Variants in DGKI observed in about 807,000 individuals in gnomAD.
The protein encoded by DGKI is diacylglycerol kinase iota, also known as DAG kinase iota.
In DGKI, 55 loss-of-function variants were observed where a neutral mutation model predicts 147.5. That is an observed-to-expected ratio of 0.37 (90% confidence interval 0.30 to 0.47). The LOEUF is 0.47. Among genes scored for constraint, DGKI ranks in the 20% least tolerant of loss-of-function variants. The probability of loss-of-function intolerance (pLI) is 1.00; values close to 1 mark genes in which losing one functional copy is unlikely to be tolerated. For missense variants in DGKI, 1,007 were observed against 1,323.8 expected, an observed-to-expected ratio of 0.76 and a Z score of 3.71; for synonymous variants, 469 against 477.1, an observed-to-expected ratio of 0.98 and a Z score of 0.22.
Position 137,718,959 on chromosome 7 carries a change from G to A in DGKI, c.402-28957C>T, listed in dbSNP as rs113100258. ...ATATACAAGGGGCACGGTCTTTCACGCCATCGATATTTTGGTCAGCAGAAG... is the reference window on the plus strand; with the variant it reads ...ATATACAAGGGGCACGGTCTTTCACACCATCGATATTTTGGTCAGCAGAAG... On this transcript the variant is annotated intron_variant, in intron 1 of 32. Coordinates refer to ENST00000614521, the MANE Select transcript of DGKI (RefSeq NM_001321708.2). Among the ~76,000 whole-genome samples the A allele has an allele frequency of 7.0e-3, 1,059 of 152,188 alleles. 7 individuals are homozygous for A. Among genetic ancestry groups the A allele is most frequent in the African/African-American group, 0.024 (1,001 of 41,508 alleles).
At chr7:137,560,549 C>T (rs1818385791) in intron 19 of DGKI, among the ~76,000 whole-genome samples, 1 of 151,468 alleles carries the variant, frequency 6.6e-6, no homozygotes, top group South Asian at 2.1e-4. Context: ...CATGTTCTAA[C>T]TCCCAGGAAC....
rs577013370 is a variant in DGKI at position 137,420,155 on chromosome 7, G to A, written c.2762-7948C>T. ...CTCATGTGGGATTCCTGGGCTTCCC[G>A]TGTGCTTCTTGGGCTTTCTTATAAG... On this transcript the variant is annotated intron_variant, in intron 28 of 32. Transcript: ENST00000614521. Among the ~76,000 whole-genome samples the A allele has an allele frequency of 1.6e-4, 24 of 152,254 alleles. No homozygotes were observed. The East Asian group carries it at 2.3e-3, about 15-fold the overall frequency.
chr7:137,738,256 C>A (rs1795079686), intron 1 of DGKI, among the ~76,000 whole-genome samples: 1 of 152,098 alleles, frequency 6.6e-6, no homozygotes, highest in Admixed American at 6.6e-5. Context: ...GAAAGCAGAT[C>A]TCGAGGGCTG....
chr7:137,423,875 A>AT (rs1317172572), intron 28 of DGKI, among the ~76,000 whole-genome samples: 2 of 152,142 alleles, frequency 1.3e-5, no homozygotes, highest in Non-Finnish European at 2.9e-5. Context: ...TTATTTATCA[A>AT]TTTTTTATTA....
In DGKI at chr7:137,388,874, C is replaced by T. The variant is rs1423199206; in HGVS notation, c.*2346G>A. The T allele has an allele frequency of 6.6e-6, 1 of 151,166 alleles. No individual in the cohort carries two copies. The highest frequency in any genetic ancestry group is 1.5e-5 in the Non-Finnish European group (1 of 67,882). 9.4% of individuals were successfully genotyped at this position (151,166 alleles called of 1,614,324 possible). A position where few individuals can be genotyped will look rare whatever the true frequency, so the allele number is the denominator to read the frequency against. ...CTTACAGTACCAACTCATCATTTTT[C>T]ATAACACAGATTTATGTCTTCAATT... On this transcript the variant is annotated 3_prime_UTR_variant, in exon 33 of 33. Coordinates refer to ENST00000614521, the MANE Select transcript of DGKI (RefSeq NM_001321708.2).
intron 3 of DGKI, among the ~76,000 whole-genome samples, chr7:137,676,642 T>A (rs1309020066): frequency 6.6e-6 from 1 of 152,212 alleles, no homozygotes; most frequent in Non-Finnish European, 1.5e-5. Context: ...TAGGGCCAAG[T>A]ACCTGGTATG....
At chr7:137,582,042 C>A in intron 14 of DGKI, 114 bp from the exon 15 acceptor site, 1 of 683,916 alleles carries the variant, frequency 1.5e-6, no homozygotes, top group South Asian at 2.3e-5. Context: ...GACAGATCAG[C>A]CACAACTCAA....
intron 24 of DGKI, among the ~76,000 whole-genome samples, chr7:137,468,990 A>C (rs566046459): frequency 6.6e-6 from 1 of 152,334 alleles, no homozygotes; most frequent in East Asian, 1.9e-4. Flanking sequence ...ATTAGGCAGC[A>C]TCTAGGAGAG....
chr7:137,627,628 C>T (rs1179789583), intron 6 of DGKI, among the ~76,000 whole-genome samples: 3 of 152,246 alleles, frequency 2.0e-5, no homozygotes, highest in South Asian at 4.1e-4. Context: ...TATTAAAATG[C>T]GGCATGGATA....
At chr7:137,636,514 G>GT (rs1821318094) in intron 6 of DGKI, among the ~76,000 whole-genome samples, 1 of 152,182 alleles carries the variant, frequency 6.6e-6, no homozygotes, top group Non-Finnish European at 1.5e-5. Flanking sequence ...TTTCCACCCA[G>GT]ATAACTCTGC....
intron 8 of DGKI, among the ~76,000 whole-genome samples, chr7:137,617,255 A>T (rs1017422081): frequency 2.6e-5 from 4 of 152,046 alleles, no homozygotes; most frequent in African/African-American, 9.7e-5. Context: ...ATCAGCCAAA[A>T]TCAAAATATG....
At chr7:137,553,180 C>T (rs1472638157) in intron 19 of DGKI, among the ~76,000 whole-genome samples, 1 of 152,094 alleles carries the variant, frequency 6.6e-6, no homozygotes, top group Admixed American at 6.5e-5. Flanking sequence ...TTTGTGTTAT[C>T]TATTCTCATT....
At chr7:137,430,598 C>A (rs1185481196) in intron 28 of DGKI, among the ~76,000 whole-genome samples, 1 of 151,544 alleles carries the variant, frequency 6.6e-6, no homozygotes. Context: ...AAAAGAATAT[C>A]TAGAAACTTA....
chr7:137,444,506 G>A (rs1813637094), intron 27 of DGKI, among the ~76,000 whole-genome samples: 1 of 152,218 alleles, frequency 6.6e-6, no homozygotes, highest in Admixed American at 6.5e-5. Flanking sequence ...AGATCTACTT[G>A]AACAGTATAA....
Position 137,839,753 on chromosome 7 carries a change from A to C in DGKI, c.401+6709T>G, listed in dbSNP as rs1017849475. Among the ~76,000 whole-genome samples, 5 of 152,232 alleles carry C rather than the reference A, an allele frequency of 3.3e-5. No homozygotes were observed. In the East Asian group the frequency reaches 7.7e-4, roughly 23 times the overall value. On this transcript the variant is annotated intron_variant, in intron 1 of 32. Transcript: ENST00000614521. ...TTTCGAATGTTGTTCCCAACATCTA[A>C]CAAAAGCCAGGCTATAAATATTACA...
At chr7:137,679,424 G>A (rs569590759) in intron 2 of DGKI, among the ~76,000 whole-genome samples, 2 of 148,066 alleles carry the variant, frequency 1.4e-5, no homozygotes, top group South Asian at 2.1e-4. Context: ...TTTTTTAATC[G>A]TACGATGAAT....
intron 1 of DGKI, among the ~76,000 whole-genome samples, chr7:137,735,012 G>C (rs1794983621): frequency 6.6e-6 from 1 of 151,998 alleles, no homozygotes; most frequent in Non-Finnish European, 1.5e-5. Context: ...ACCCTGGGTG[G>C]CTCCTTTCTC....
chr7:137,716,016 A>T (rs943278253), intron 1 of DGKI, among the ~76,000 whole-genome samples: 2 of 152,192 alleles, frequency 1.3e-5, no homozygotes, highest in Non-Finnish European at 2.9e-5. Context: ...AGGAGTAGGA[A>T]GGAAAGAAAC....
intron 11 of DGKI, among the ~76,000 whole-genome samples, chr7:137,598,583 G>A (rs1819879167): frequency 6.6e-6 from 1 of 152,042 alleles, no homozygotes; most frequent in South Asian, 2.1e-4. Context: ...TTTCCTCTTG[G>A]ATCTCAGGAA....
Sources: gnomAD v4.1 joint callset for allele counts (sites outside exome capture counted in the v4.1 genomes callset) on GRCh38, gnomAD v4.1.1 for gene constraint, MANE v1.5 for transcripts, NCBI Gene and HGNC (gene_info 2026-07-23, HGNC 2026-07-21) for gene names.